ZBTB5: variants seen among roughly 807,000 people sequenced by gnomAD.
ZBTB5 encodes zinc finger and BTB domain containing 5.
A neutral mutation model predicts 37.9 loss-of-function variants in ZBTB5; 15 were observed. The observed-to-expected ratio is 0.40, with a 90% CI of 0.26 to 0.61. ZBTB5 has a LOEUF of 0.61. Among genes scored for constraint, ZBTB5 ranks in the 20% least tolerant of loss-of-function variants. The probability of loss-of-function intolerance (pLI) is 0.47; values close to 1 mark genes in which losing one functional copy is unlikely to be tolerated. For missense variants in ZBTB5, 708 were observed against 856.8 expected, an observed-to-expected ratio of 0.83 and a Z score of 2.17; for synonymous variants, 315 against 312.4, an observed-to-expected ratio of 1.01 and a Z score of -0.09.
chr9:37,445,186 C>T (rs964557638), intron 1 of ZBTB5, among the ~76,000 whole-genome samples: 3 of 151,790 alleles, frequency 2.0e-5, no homozygotes, highest in South Asian at 2.1e-4. Flanking sequence ...TACACTAAAC[C>T]GAATGTGAGA....
rs1181004871 is a variant in ZBTB5, at chr9:37,442,003, C to T, written c.549G>A (p.Thr183=). The T allele has an allele frequency of 1.2e-6, 2 of 1,613,670 alleles. No individual in the cohort carries two copies. The highest frequency in any genetic ancestry group is 1.7e-6 in the Non-Finnish European group (2 of 1,180,046). Residue 183 remains threonine, a synonymous_variant, in exon 2 of 2, where the codon ACG becomes ACA. Coordinates refer to ENST00000307750, the MANE Select transcript of ZBTB5 (RefSeq NM_014872.3). The stretch of plus-strand genomic sequence containing the variant: ...TATGAAGGCGTCTCATGGGGAAGGG[C>T]GTGCGCTGATCCAGGTTACTGCGCA... ...SSMRSNLDQR[T]PFPMRRLHKR... is the part of the protein sequence containing the mutation.
chr9:37,453,280 T>C (rs931184287), intron 1 of ZBTB5, among the ~76,000 whole-genome samples: 1 of 152,072 alleles, frequency 6.6e-6, no homozygotes, highest in African/African-American at 2.4e-5. Context: ...CTTGAACTCC[T>C]GAGCTTAAGC....
intron 1 of ZBTB5, among the ~76,000 whole-genome samples, chr9:37,447,401 T>C (rs917172912): frequency 9.8e-5 from 15 of 152,334 alleles, no homozygotes; most frequent in Middle Eastern, 3.4e-3. Context: ...CCCAGCATTG[T>C]AGTAACAGTC....
intron 1 of ZBTB5, among the ~76,000 whole-genome samples, chr9:37,445,062 G>A (rs1437623050): frequency 6.7e-6 from 1 of 149,156 alleles, no homozygotes; most frequent in African/African-American, 2.5e-5. Context: ...AAAAAAACAA[G>A]AAGTTTTTAA....
At chr9:37,460,334 G>A (rs1299861259) in intron 1 of ZBTB5, among the ~76,000 whole-genome samples, 2 of 152,116 alleles carry the variant, frequency 1.3e-5, no homozygotes, top group Non-Finnish European at 2.9e-5. Context: ...CTACTCGGGG[G>A]CTGAGGCAGG....
intron 1 of ZBTB5, among the ~76,000 whole-genome samples, chr9:37,463,563 CCAATT>C (rs1457305644): frequency 1.3e-5 from 2 of 152,194 alleles, no homozygotes; most frequent in Admixed American, 1.3e-4. Flanking sequence ...TTTAAAGTCT[CCAATT>C]CGATATAATT....
chr9:37,443,351 T>C (rs1458739658), intron 1 of ZBTB5, among the ~76,000 whole-genome samples: 1 of 149,654 alleles, frequency 6.7e-6, no homozygotes, highest in Non-Finnish European at 1.5e-5. Flanking sequence ...AAAAAAACAC[T>C]AAAGTTTTTG....
In ZBTB5 at chr9:37,441,181, C is replaced by G. The variant is rs1375564077; in HGVS notation, c.1371G>C (p.Gly457=). The change falls in exon 2 of 2, where the codon GGG becomes GGC. Residue 457 remains glycine (G), a synonymous_variant. Transcript: ENST00000307750. ...CATGGGAGCCAGGGGCAGAGGAGGG[C>G]CCACCTGCAGGCCCAGCCTCTGGAC... ...LLSPEAGPAG[G]PSSAPGSHVE... The G allele has an allele frequency of 1.2e-6, 2 of 1,613,836 alleles. No individual in the cohort carries two copies. Among genetic ancestry groups the G allele is most frequent in the Non-Finnish European group, 1.7e-6 (2 of 1,179,870 alleles).
intron 1 of ZBTB5, 46 bp from the exon 2 acceptor site, chr9:37,442,601 C>T: frequency 6.8e-7 from 1 of 1,469,030 alleles, no homozygotes; most frequent in Non-Finnish European, 9.2e-7. Context: ...AGAAAAGCTT[C>T]AAAGTCAGAA....
At chr9:37,463,570 G>T (rs1824333343) in intron 1 of ZBTB5, among the ~76,000 whole-genome samples, 1 of 152,134 alleles carries the variant, frequency 6.6e-6, no homozygotes, top group African/African-American at 2.4e-5. Flanking sequence ...TCTCCAATTC[G>T]ATATAATTCA....
At position 37,441,319 on chromosome 9, in the gene ZBTB5, A is replaced by G; in HGVS notation, c.1233T>C (p.Asn411=). ...TATTTCCTCTGCTCTTGTTAAGAAA[A>G]TTCGAAATACTAAAAGTGGACTTAT... ...LEHKSTFSIS[N]FLNKSRGNNF... Residue 411 remains asparagine (N), a synonymous_variant, in exon 2 of 2, where the codon AAT becomes AAC. Transcript: ENST00000307750. 1 of 1,614,164 alleles carries G rather than the reference A, an allele frequency of 6.2e-7. No individual in the cohort carries two copies. Among genetic ancestry groups the G allele is most frequent in the Non-Finnish European group, 8.5e-7 (1 of 1,180,028 alleles).
In ZBTB5 at chr9:37,445,854, C is replaced by T. The variant is rs185597866; in HGVS notation, c.-4-3299G>A. Among the ~76,000 whole-genome samples the T allele has an allele frequency of 2.0e-4, 30 of 152,000 alleles. No individual in the cohort carries two copies. The East Asian group carries it at 5.6e-3, about 29-fold the overall frequency. ...GGTAGCTCATGGCTGTAATCCTAAC[C>T]CTTTGGGAGACTGAGGCGGGCAGAT... On this transcript the variant is annotated intron_variant, in intron 1 of 1. Transcript: ENST00000307750.
Position 37,441,941 on chromosome 9 carries a change from C to T in ZBTB5, c.611G>A (p.Arg204His), listed in dbSNP as rs554108738. 13 of 1,614,014 alleles carry T rather than the reference C, an allele frequency of 8.1e-6. No homozygotes were observed. The highest frequency in any genetic ancestry group is 6.6e-5 in the South Asian group (6 of 91,092). Residue 204 changes from arginine (R) to histidine (H), a missense_variant, in exon 2 of 2, where the codon CGC becomes CAC. By Grantham distance (29) the Arg-to-His change is conservative. Transcript: ENST00000307750. ...KQSAEERARQRLRPSIDESAI... is the reference protein window; with the variant it reads ...KQSAEERARQHLRPSIDESAI... ...AGACTCATCTATGGAGGGTCGGAGG[C>T]GCTGCCTGGCCCGCTCCTCTGCAGA...
rs763124710 is a variant in ZBTB5 at position 37,440,979 on chromosome 9, G to A, written c.1573C>T (p.Pro525Ser). 6.2e-7 allele frequency: 1 copy of A among 1,614,150 alleles called. No individual in the cohort carries two copies. Among genetic ancestry groups the A allele is most frequent in the Admixed American group, 1.7e-5 (1 of 60,020 alleles). Reference sequence around the variant, plus strand: ...GGAAAGTTACTGGCTCCTCCCCTTGGGGAACCTATCATTACCCTGGAGAAG... The same window carrying A: ...GGAAAGTTACTGGCTCCTCCCCTTGAGGAACCTATCATTACCCTGGAGAAG... Reference protein sequence around the residue: ...SSFSRVMIGSPRGGASNFPYY... With the variant: ...SSFSRVMIGSSRGGASNFPYY... Residue 525 changes from proline (P) to serine (S), a missense_variant, in exon 2 of 2, where the codon CCA (proline) becomes TCA (serine). By Grantham distance (74) the Pro-to-Ser change is moderately conservative. This residue lies in a region of ZBTB5 where 639 missense variants were observed against 690.5 expected (regional missense o/e 0.93). Coordinates refer to ENST00000307750, the MANE Select transcript of ZBTB5 (RefSeq NM_014872.3).
At position 37,441,472 on chromosome 9, in the gene ZBTB5, T is replaced by C; in HGVS notation, c.1080A>G (p.Gly360=). 6.2e-7 allele frequency: 1 copy of C among 1,613,034 alleles called. No homozygotes were observed. The highest frequency in any genetic ancestry group is 1.1e-5 in the South Asian group (1 of 90,996). The stretch of plus-strand genomic sequence containing the variant: ...CTATCTTCTCGGCACTGACCACAAC[T>C]CCTTCCACTTCCACAGACTCGCTGC... ...AEGSESVEVE[G]VVVSAEKIDL... is the part of the protein sequence containing the mutation. Residue 360 remains glycine, a synonymous_variant, in exon 2 of 2, where the codon GGA becomes GGG. Transcript: ENST00000307750.
chr9:37,448,518 T>C (rs1824036953), intron 1 of ZBTB5, among the ~76,000 whole-genome samples: 1 of 150,390 alleles, frequency 6.6e-6, no homozygotes, highest in African/African-American at 2.4e-5. Context: ...ACTTTGGAAA[T>C]GCATAGTTTT....
At chr9:37,445,965 G>A (rs1400306552) in intron 1 of ZBTB5, among the ~76,000 whole-genome samples, 2 of 152,066 alleles carry the variant, frequency 1.3e-5, no homozygotes, top group Admixed American at 1.3e-4. Context: ...GCCGGCCATG[G>A]TGGCGAGTGC....
At chr9:37,448,902 G>C (rs2118942076) in intron 1 of ZBTB5, among the ~76,000 whole-genome samples, 1 of 152,218 alleles carries the variant, frequency 6.6e-6, no homozygotes, top group Non-Finnish European at 1.5e-5. Flanking sequence ...AAATTAGCTG[G>C]GCGTGGTGGC....
rs564996625 is a variant in ZBTB5 at position 37,439,459 on chromosome 9, T to C, written c.*1059A>G. ...AATTTAGGGTCTGTACTGTTAAAAG[T>C]ATAGTATATAACAGTAATAAAACCT... On this transcript the variant is annotated 3_prime_UTR_variant, in exon 2 of 2. Transcript: ENST00000307750. 6.6e-6 allele frequency: 1 copy of C among 152,318 alleles called. No individual in the cohort carries two copies. The highest frequency in any genetic ancestry group is 2.1e-4 in the South Asian group (1 of 4,824). The allele number at this position is 152,318 out of a possible 1,614,324, so 9.4% of individuals were successfully genotyped here.
Sources: allele counts gnomAD v4.1 joint callset (sites outside exome capture counted in the v4.1 genomes callset), GRCh38; gene constraint gnomAD v4.1.1; regional missense constraint gnomAD v4.1.1; transcripts MANE v1.5; gene names NCBI Gene and HGNC (gene_info 2026-07-23, HGNC 2026-07-21).